The following SYTL2 variants were observed in gnomAD, a reference collection of about 807,000 sequenced individuals.
SYTL2 encodes the protein synaptotagmin like 2, also known as synaptotagmin-like protein 2.
SYTL2 carries 165 observed loss-of-function variants against 198.7 expected under a neutral mutation model. The ratio of observed to expected loss-of-function variants is 0.83; its 90% CI spans 0.73 to 0.94. The LOEUF (loss-of-function observed/expected upper bound fraction) is 0.94, where lower values mean the gene tolerates loss of function less well. SYTL2 is among the 40% of genes least tolerant of loss of function. SYTL2 has a pLI of 0.00. For missense variants in SYTL2, 2,835 were observed against 2,582.8 expected (o/e 1.10, Z -2.12); for synonymous variants, 966 against 917.7 (o/e 1.05, Z -0.95).
At chr11:85,723,210 C>T (rs796823970) in intron 8 of SYTL2, among the ~76,000 whole-genome samples, 3 of 152,314 alleles carry the variant, frequency 2.0e-5, no homozygotes, top group African/African-American at 7.2e-5. Flanking sequence ...CCAAAACCAA[C>T]GCCCCCACGT....
At chr11:85,795,056 C>T (rs962118163) in intron 1 of SYTL2, among the ~76,000 whole-genome samples, 1 of 152,076 alleles carries the variant, frequency 6.6e-6, no homozygotes, top group African/African-American at 2.4e-5. Context: ...AGCTTCCTCA[C>T]TGGTAAAATA....
intron 1 of SYTL2, among the ~76,000 whole-genome samples, chr11:85,809,293 G>A (rs1321850020): frequency 6.6e-6 from 1 of 152,204 alleles, no homozygotes; most frequent in Non-Finnish European, 1.5e-5. Flanking sequence ...AAAGCAAACA[G>A]GGCCCTGCCC....
At chr11:85,814,962 C>G (rs913657658), upstream of SYTL2, among the ~76,000 whole-genome samples, 1 of 152,166 alleles carries the variant, frequency 6.6e-6, no homozygotes, top group East Asian at 1.9e-4. Flanking sequence ...CGATTTCATC[C>G]TGTCTTTATA....
At chr11:85,824,923 T>C in the SYTL2 span, among the ~76,000 whole-genome samples, 4 of 152,108 alleles carry the variant, frequency 2.6e-5, no homozygotes, top group East Asian at 1.9e-4. Flanking sequence ...ACAGCTGAGA[T>C]AGGGTTTGGG....
At chr11:85,824,187 G>C in the SYTL2 span, among the ~76,000 whole-genome samples, 2 of 152,070 alleles carry the variant, frequency 1.3e-5, no homozygotes, top group African/African-American at 2.4e-5. Context: ...GTATATGCTG[G>C]GGCCTCAGCA....
chr11:85,797,538 G>C (rs1041213513), intron 1 of SYTL2, among the ~76,000 whole-genome samples: 3 of 149,786 alleles, frequency 2.0e-5, no homozygotes, highest in Non-Finnish European at 3.0e-5. Flanking sequence ...TGAGGCACAA[G>C]AATCATTTGA....
the SYTL2 span, among the ~76,000 whole-genome samples, chr11:85,846,491 C>G: frequency 2.0e-4 from 31 of 152,124 alleles, 1 homozygote; most frequent in Admixed American, 2.0e-3. Flanking sequence ...TACAATGGTG[C>G]AAATTCAGCT....
chr11:85,851,228 C>A, the SYTL2 span, among the ~76,000 whole-genome samples: 1 of 152,076 alleles, frequency 6.6e-6, no homozygotes, highest in South Asian at 2.1e-4. Flanking sequence ...TGCAAAACAT[C>A]TATTTAATTG....
chr11:85,787,162 T>C (rs1227238569), intron 1 of SYTL2, among the ~76,000 whole-genome samples: 1 of 152,200 alleles, frequency 6.6e-6, no homozygotes, highest in Non-Finnish European at 1.5e-5. Flanking sequence ...AGATCTGCCC[T>C]AATTATTTCT....
intron 14 of SYTL2, among the ~76,000 whole-genome samples, chr11:85,708,754 C>G (rs1032624324): frequency 1.3e-5 from 2 of 149,604 alleles, no homozygotes; most frequent in South Asian, 2.1e-4. Context: ...CTGGTCCTTG[C>G]GTTCTTATCT....
At chr11:85,817,902 CTTTTTTTTTTT>C in the SYTL2 span, among the ~76,000 whole-genome samples, 10 of 109,904 alleles carry the variant, frequency 9.1e-5, no homozygotes, top group South Asian at 3.0e-3. Flanking sequence ...TGTGTCTTTT[CTTTTTTTTTTT>C]TTTTTTTTGA....
intron 1 of SYTL2, among the ~76,000 whole-genome samples, chr11:85,790,387 T>G (rs1161526268): frequency 6.6e-6 from 1 of 152,200 alleles, no homozygotes; most frequent in African/African-American, 2.4e-5. Flanking sequence ...TGACTAGCTG[T>G]ATGAATTTTA....
intron 1 of SYTL2, among the ~76,000 whole-genome samples, chr11:85,791,796 C>A (rs1353587092): frequency 6.6e-6 from 1 of 152,016 alleles, no homozygotes; most frequent in African/African-American, 2.4e-5. Flanking sequence ...AGTCATATGT[C>A]TAAACTTGGA....
the SYTL2 span, among the ~76,000 whole-genome samples, chr11:85,845,015 G>A: frequency 1.3e-5 from 2 of 152,132 alleles, no homozygotes; most frequent in Non-Finnish European, 2.9e-5. Flanking sequence ...CTAGGGCTTT[G>A]TGTTTGCAAT....
chr11:85,743,540 T>C (rs1292391448), intron 4 of SYTL2, among the ~76,000 whole-genome samples: 2 of 152,170 alleles, frequency 1.3e-5, no homozygotes, highest in Non-Finnish European at 2.9e-5. Context: ...CCTTGTTTCA[T>C]TTAATCTCAC....
chr11:85,723,535 G>A (rs1006750959), intron 8 of SYTL2, among the ~76,000 whole-genome samples: 24 of 152,282 alleles, frequency 1.6e-4, no homozygotes, highest in East Asian at 1.5e-3. Flanking sequence ...ACATCTTTGC[G>A]ACAAATCTTA....
intron 1 of SYTL2, among the ~76,000 whole-genome samples, chr11:85,791,867 G>A (rs918194828): frequency 6.6e-6 from 1 of 152,068 alleles, no homozygotes; most frequent in Admixed American, 6.5e-5. Flanking sequence ...TCTTGTAACT[G>A]AGAAAGGCCC....
chr11:85,715,602 A>G (rs1273565668), intron 11 of SYTL2, among the ~76,000 whole-genome samples: 2 of 152,180 alleles, frequency 1.3e-5, no homozygotes, highest in Admixed American at 1.3e-4. Flanking sequence ...AAAACTAAAA[A>G]TTTAGCTACA....
chr11:85,813,881 C>T (rs1057223613), upstream of SYTL2, among the ~76,000 whole-genome samples: 1 of 152,120 alleles, frequency 6.6e-6, no homozygotes, highest in African/African-American at 2.4e-5. Context: ...CACCACCACG[C>T]CCAGTTAATT....
Sources: allele counts gnomAD v4.1 joint callset (sites outside exome capture counted in the v4.1 genomes callset), GRCh38; gene constraint gnomAD v4.1.1; transcripts MANE v1.5; gene names NCBI Gene and HGNC (gene_info 2026-07-23, HGNC 2026-07-21).